Variants in PLCD4 observed in about 807,000 individuals in gnomAD.
PLCD4 encodes 1-phosphatidylinositol 4,5-bisphosphate phosphodiesterase delta-4.
Under a neutral mutation model 90.2 loss-of-function variants are expected in PLCD4, and 63 were observed. That is an observed-to-expected ratio of 0.70 (90% CI 0.57 to 0.86). The LOEUF is 0.86. Among genes scored for constraint, PLCD4 ranks in the 40% least tolerant of loss-of-function variants. PLCD4 has a pLI of 0.00. For missense variants in PLCD4, 830 were observed against 956.3 expected, an observed-to-expected ratio of 0.87 and a Z score of 1.74; for synonymous variants, 294 against 356.5, an observed-to-expected ratio of 0.82 and a Z score of 1.97.
Position 218,634,967 on chromosome 2 carries a change from C to T in PLCD4, c.1896+337C>T, listed in dbSNP as rs534610603. ...TGCTATAAAAGAGGCTGGCTGGGAG[C>T]GATAGCTTACACCTGTAATCCCAGC... On this transcript the variant is annotated intron_variant, in intron 13 of 15. Coordinates refer to ENST00000450993, the MANE Select transcript of PLCD4 (RefSeq NM_032726.4). This position sits in a 1 kb window ranked among gnomAD's most constrained non-coding sequence, Gnocchi z 4.0. Among the ~76,000 whole-genome samples the T allele has an allele frequency of 9.2e-5, 14 of 152,266 alleles. No individual in the cohort carries two copies. Among genetic ancestry groups the T allele is most frequent in the Middle Eastern group, 3.4e-3 (1 of 294 alleles).
intron 11 of PLCD4, 120 bp from the exon 12 acceptor site, chr2:218,633,985 A>G: frequency 7.1e-7 from 1 of 1,405,340 alleles, no homozygotes; most frequent in Non-Finnish European, 9.7e-7. Flanking sequence ...GGCACAGTGA[A>G]ACTTTCTGGA....
Position 218,634,242 on chromosome 2 carries a change from G to A in PLCD4, c.1723+21G>A, listed in dbSNP as rs373031497. ...GATGGGTGAGGAGGCAGCAGGGACTGGGAAGAGGGAGTGGAGGAGCAGCAG... is the reference window on the plus strand; with the variant it reads ...GATGGGTGAGGAGGCAGCAGGGACTAGGAAGAGGGAGTGGAGGAGCAGCAG... On this transcript the variant is annotated intron_variant, in intron 12 of 15. Coordinates refer to ENST00000450993, the MANE Select transcript of PLCD4 (RefSeq NM_032726.4). This position sits in a 1 kb window ranked among gnomAD's most constrained non-coding sequence, Gnocchi z 4.0. The A allele has an allele frequency of 2.5e-6, 4 of 1,599,226 alleles. No individual in the cohort carries two copies. Among genetic ancestry groups the A allele is most frequent in the African/African-American group, 1.3e-5 (1 of 74,598 alleles).
intron 9 of PLCD4, among the ~76,000 whole-genome samples, chr2:218,631,258 G>A (rs755956717): frequency 2.6e-5 from 4 of 151,992 alleles, no homozygotes; most frequent in East Asian, 2.0e-4. Flanking sequence ...TCTGCCTCCC[G>A]GGTTCAAGCG....
intron 10 of PLCD4, 86 bp from the exon 11 acceptor site, chr2:218,633,519 G>C: frequency 6.8e-7 from 1 of 1,467,938 alleles, no homozygotes; most frequent in South Asian, 1.1e-5. Flanking sequence ...GAGGCAGTGG[G>C]CAGAGGTTTA....
chr2:218,609,991 T>G (rs1695259047), intron 1 of PLCD4: 1 of 151,540 alleles, frequency 6.6e-6, no homozygotes, highest in African/African-American at 2.4e-5. Flanking sequence ...GAGAGAGAGG[T>G]GGGGATGGGG....
intron 1 of PLCD4, among the ~76,000 whole-genome samples, chr2:218,613,886 G>A (rs1695457741): frequency 6.6e-6 from 1 of 152,040 alleles, no homozygotes; most frequent in African/African-American, 2.4e-5. Flanking sequence ...TATTTCTATA[G>A]GGGCATAGCT....
At chr2:218,627,972 T>C in intron 6 of PLCD4, 57 bp from the exon 7 acceptor site, 1 of 1,469,564 alleles carries the variant, frequency 6.8e-7, no homozygotes, top group Non-Finnish European at 9.4e-7. Context: ...ACTGTAGGTG[T>C]GCTGGGATGC....
chr2:218,621,712 C>T, intron 5 of PLCD4, 113 bp downstream of exon 5: 1 of 1,356,922 alleles, frequency 7.4e-7, no homozygotes, highest in Non-Finnish European at 1.0e-6. Context: ...GCTATGTGCC[C>T]TAAGTGCTAG....
intron 5 of PLCD4, 48 bp from the exon 6 acceptor site, chr2:218,622,599 A>G: frequency 2.9e-6 from 4 of 1,374,050 alleles, no homozygotes; most frequent in East Asian, 2.5e-5. Context: ...AAAAGATAAC[A>G]TTTCCCATTA....
chr2:218,633,636 C>G lies in PLCD4; in HGVS notation c.1481C>G (p.Ser494Cys). 2 of 1,613,726 alleles carry G rather than the reference C, an allele frequency of 1.2e-6. No individual in the cohort carries two copies. The highest frequency in any genetic ancestry group is 1.6e-4 in the Middle Eastern group (1 of 6,062). ...KSKPILCPAL[S>C]SLVIYLKSVS... ...AAGCCCATCTTGTGTCCAGCCCTCTCTTCCCTGGTTATCTACTTGAAGTCT... is the reference window on the plus strand; with the variant it reads ...AAGCCCATCTTGTGTCCAGCCCTCTGTTCCCTGGTTATCTACTTGAAGTCT... Residue 494 changes from serine to cysteine, a missense_variant, in exon 11 of 16, where the codon TCT becomes TGT. Physicochemically the swap from Ser to Cys is moderately radical, Grantham distance 112. Transcript: ENST00000450993.
chr2:218,621,712 C>G, intron 5 of PLCD4, 113 bp downstream of exon 5: 1 of 1,356,922 alleles, frequency 7.4e-7, no homozygotes, highest in Non-Finnish European at 1.0e-6. Context: ...GCTATGTGCC[C>G]TAAGTGCTAG....
At chr2:218,630,498 C>G (rs1696313516) in intron 8 of PLCD4, 152 bp from the exon 9 acceptor site, 3 of 864,144 alleles carry the variant, frequency 3.5e-6, no homozygotes, top group Non-Finnish European at 5.6e-6. Context: ...CCAGCAAGAT[C>G]TCACTGAATC....
intron 7 of PLCD4, 70 bp downstream of exon 7, chr2:218,628,300 G>T: frequency 2.1e-6 from 3 of 1,457,868 alleles, no homozygotes; most frequent in South Asian, 1.2e-5. Flanking sequence ...GGAGCTGTCA[G>T]TGTCTAACAG....
At position 218,616,046 on chromosome 2, in the gene PLCD4, C is replaced by A; in HGVS notation, c.165C>A (p.Gly55=). The change falls in exon 3 of 16, where the codon GGC becomes GGA. Residue 55 remains glycine (G), a synonymous_variant. Coordinates refer to ENST00000450993, the MANE Select transcript of PLCD4 (RefSeq NM_032726.4). ...MTVWHARQAR[G]SAKPSFSISD... ...TCTGGCATGCACGGCAGGCCAGGGG[C>A]AGTGCCAAGCCCAGCTGTGAGTGAC... 6.2e-7 allele frequency: 1 copy of A among 1,613,564 alleles called. No homozygotes were observed. The highest frequency in any genetic ancestry group is 8.5e-7 in the Non-Finnish European group (1 of 1,179,748).
Position 218,633,713 on chromosome 2 carries a change from A to T in PLCD4, c.1558A>T (p.Ile520Leu). The T allele has an allele frequency of 1.2e-6, 2 of 1,613,936 alleles. No homozygotes were observed. The highest frequency in any genetic ancestry group is 1.7e-6 in the Non-Finnish European group (2 of 1,179,876). The stretch of plus-strand genomic sequence containing the variant: ...AAAGGAGCACTACCACTTCTACGAG[A>T]TATCATCTTTCTCTGAAACCAAGGC... ...HSKEHYHFYE[I>L]SSFSETKAKR... Residue 520 changes from isoleucine to leucine, a missense_variant, in exon 11 of 16, where the codon ATA becomes TTA. By Grantham distance (5) the Ile-to-Leu change is conservative. Transcript: ENST00000450993.
chr2:218,626,258 CAAAAA>C (rs10616178), intron 6 of PLCD4, among the ~76,000 whole-genome samples: 3 of 135,232 alleles, frequency 2.2e-5, no homozygotes, highest in Admixed American at 1.5e-4. Flanking sequence ...CTCTGTCTCC[CAAAAA>C]AAAAAAAAAA....
intron 9 of PLCD4, among the ~76,000 whole-genome samples, chr2:218,631,401 T>C (rs1035346464): frequency 6.6e-6 from 1 of 152,120 alleles, no homozygotes; most frequent in African/African-American, 2.4e-5. Flanking sequence ...TGACCTCACG[T>C]GATCCACCCT....
chr2:218,610,130 AT>A (rs66928058), intron 1 of PLCD4, among the ~76,000 whole-genome samples: 2 of 152,038 alleles, frequency 1.3e-5, no homozygotes, highest in South Asian at 2.1e-4. Context: ...ACAAATAATA[AT>A]TTAAAAAAAA....
Position 218,622,782 on chromosome 2 carries a change from G to C in PLCD4, c.676G>C (p.Glu226Gln), listed in dbSNP as rs1331012160. The change falls in exon 6 of 16, where the codon GAA becomes CAA. Residue 226 changes from glutamate to glutamine, a missense_variant. Transcript: ENST00000450993. ...SADGQKLTLL[E>Q]FLDFLQEEQK... is the part of the protein sequence containing the mutation. Reference sequence around the variant, plus strand: ...TGATGGGCAGAAGCTGACTCTGCTGGAATTTTTGGATTTCCTCCAAGAGGA... The same window carrying C: ...TGATGGGCAGAAGCTGACTCTGCTGCAATTTTTGGATTTCCTCCAAGAGGA... 2 of 1,613,874 alleles carry C rather than the reference G, an allele frequency of 1.2e-6. No homozygotes were observed. The highest frequency in any genetic ancestry group is 1.3e-5 in the African/African-American group (1 of 74,910).
Sources: allele counts gnomAD v4.1 joint callset (sites outside exome capture counted in the v4.1 genomes callset), GRCh38; gene constraint gnomAD v4.1.1; non-coding constraint Gnocchi (gnomAD v3.1); transcripts MANE v1.5; gene names NCBI Gene and HGNC (gene_info 2026-07-23, HGNC 2026-07-21).